UBE3C: variants seen among roughly 807,000 people sequenced by gnomAD.
UBE3C encodes the protein ubiquitin protein ligase E3C, also known as ubiquitin-protein ligase E3C.
A neutral mutation model predicts 129.4 loss-of-function variants in UBE3C; 42 were observed. That is an observed-to-expected ratio of 0.32 (90% CI 0.25 to 0.42). The LOEUF (loss-of-function observed/expected upper bound fraction) is 0.42. Among genes scored for constraint, UBE3C ranks in the 10% least tolerant of loss-of-function variants. The pLI is 1.00. For missense variants in UBE3C, 1,049 were observed against 1,319.1 expected (o/e 0.80, Z 3.17); for synonymous variants, 510 against 492.4 (o/e 1.04, Z -0.47).
chr7:157,154,959 T>G (rs1807861364), intron 1 of UBE3C, among the ~76,000 whole-genome samples: 1 of 152,218 alleles, frequency 6.6e-6, no homozygotes, highest in Non-Finnish European at 1.5e-5. Context: ...GCATAGTCAG[T>G]TTTTTTCCCC....
chr7:157,261,929 C>CA (rs1399533148), intron 22 of UBE3C, among the ~76,000 whole-genome samples: 1 of 152,180 alleles, frequency 6.6e-6, no homozygotes, highest in African/African-American at 2.4e-5. Flanking sequence ...GCCCTTGACT[C>CA]AGATTTCAGT....
At chr7:157,216,749 G>A (rs530648602) in intron 13 of UBE3C, 118 bp from the exon 14 acceptor site, 35 of 749,062 alleles carry the variant, frequency 4.7e-5, no homozygotes, top group Admixed American at 2.7e-4. Flanking sequence ...TTTGGTGTCC[G>A]GCTCGACCTG....
At chr7:157,193,716 C>T (rs1312688810) in intron 10 of UBE3C, among the ~76,000 whole-genome samples, 2 of 143,600 alleles carry the variant, frequency 1.4e-5, no homozygotes, top group East Asian at 2.1e-4. Flanking sequence ...ACATTTGAAA[C>T]TTTTTGATTA....
intron 1 of UBE3C, among the ~76,000 whole-genome samples, chr7:157,151,979 A>G (rs1021132308): frequency 1.3e-5 from 2 of 152,148 alleles, no homozygotes; most frequent in Admixed American, 6.6e-5. Context: ...TGTGTATCCT[A>G]TTTCCAGAAC....
rs1797136581 is a variant in UBE3C, at chr7:157,268,420, CTTCA to C, written c.*672_*675del. On this transcript the variant is annotated 3_prime_UTR_variant, in exon 23 of 23. Coordinates refer to ENST00000348165, the MANE Select transcript of UBE3C (RefSeq NM_014671.3). The stretch of plus-strand genomic sequence containing the variant: ...ACTGTCTGTGGATGTGAGGTGGGGA[CTTCA>C]TTCATTGTCCTATTTCTATCTCCAC... 2 of 152,606 alleles carry C rather than the reference CTTCA, an allele frequency of 1.3e-5. No homozygotes were observed. The highest frequency in any genetic ancestry group is 6.5e-5 in the Admixed American group (1 of 15,278). 9.5% of individuals were successfully genotyped at this position (152,606 alleles called of 1,614,324 possible).
intron 13 of UBE3C, among the ~76,000 whole-genome samples, chr7:157,210,175 CA>C (rs903726072): frequency 6.7e-6 from 1 of 149,626 alleles, no homozygotes; most frequent in Non-Finnish European, 1.5e-5. Flanking sequence ...ACTCTCTCTC[CA>C]AAAAAAAAGA....
chr7:157,203,198 T>A (rs1809338642), intron 11 of UBE3C, among the ~76,000 whole-genome samples: 1 of 152,218 alleles, frequency 6.6e-6, no homozygotes, highest in Admixed American at 6.5e-5. Context: ...ATTTTTCATT[T>A]TTTTAATTGA....
At chr7:157,219,140 A>G (rs1409289425) in intron 14 of UBE3C, among the ~76,000 whole-genome samples, 5 of 152,144 alleles carry the variant, frequency 3.3e-5, no homozygotes, top group Non-Finnish European at 5.9e-5. Flanking sequence ...GGTGCAGCGC[A>G]TGTCTAGGGT....
chr7:157,229,546 C>A (rs184010367), intron 17 of UBE3C, among the ~76,000 whole-genome samples: 2,311 of 152,196 alleles, frequency 0.015, 57 homozygotes, highest in African/African-American at 0.052. Flanking sequence ...CAAACTCCTG[C>A]CCTCAGGTGA....
At chr7:157,217,021 C>G (rs1563060128) in intron 14 of UBE3C, 50 bp downstream of exon 14, 4 of 1,417,972 alleles carry the variant, frequency 2.8e-6, no homozygotes, top group Non-Finnish European at 3.9e-6. Context: ...ATACATTCAG[C>G]TTGTGTCTTT....
At chr7:157,143,269 T>C (rs1563025227) in intron 1 of UBE3C, among the ~76,000 whole-genome samples, 1 of 152,148 alleles carries the variant, frequency 6.6e-6, no homozygotes. Flanking sequence ...TATGTTTTTC[T>C]TGGTAGTGTA....
Position 157,161,289 on chromosome 7 carries a change from G to A in UBE3C, c.67-2521G>A, listed in dbSNP as rs955593077. ...TGTAGCTTTTCTTTGTCTAAAATTAGTTTCTAAAAGTTTAAAAAATTAAAG... is the reference window on the plus strand; with the variant it reads ...TGTAGCTTTTCTTTGTCTAAAATTAATTTCTAAAAGTTTAAAAAATTAAAG... On this transcript the variant is annotated intron_variant, in intron 1 of 22. Coordinates refer to ENST00000348165, the MANE Select transcript of UBE3C (RefSeq NM_014671.3). 3.3e-5 allele frequency among the ~76,000 whole-genome samples: 5 copies of A among 152,170 alleles called. No individual in the cohort carries two copies. The South Asian group carries it at 8.3e-4, about 25-fold the overall frequency.
intron 19 of UBE3C, among the ~76,000 whole-genome samples, chr7:157,251,488 C>T (rs1399879243): frequency 2.6e-5 from 4 of 152,230 alleles, no homozygotes; most frequent in East Asian, 1.9e-4. Context: ...CTGGTTTGGC[C>T]GCTTTTCTGT....
chr7:157,162,285 C>T (rs558164289), intron 1 of UBE3C, among the ~76,000 whole-genome samples: 1 of 151,974 alleles, frequency 6.6e-6, no homozygotes, highest in South Asian at 2.1e-4. Context: ...AGCTCCACTG[C>T]CTGGGTTCAA....
At chr7:157,231,532 A>G in intron 18 of UBE3C, 1 of 649,606 alleles carries the variant, frequency 1.5e-6, no homozygotes, top group Non-Finnish European at 2.5e-6. Flanking sequence ...ACTCATGTTG[A>G]AACTTGATCC....
intron 22 of UBE3C, among the ~76,000 whole-genome samples, chr7:157,262,409 C>CTTTTTTTTTTTTTTTTTTTTTTT (rs371300314): frequency 1.9e-5 from 1 of 54,038 alleles, no homozygotes; most frequent in African/African-American, 7.4e-5. Context: ...TCTTCATAGG[C>CTTTTTTTTTTTTTTTTTTTTTTT]TTTTTTTTTT....
At chr7:157,143,079 C>T (rs1355618003) in intron 1 of UBE3C, among the ~76,000 whole-genome samples, 3 of 151,924 alleles carry the variant, frequency 2.0e-5, no homozygotes, top group Admixed American at 6.6e-5. Flanking sequence ...GTCGGTCGGG[C>T]GGGTCTCGAA....
chr7:157,224,234 G>A (rs541235813), intron 16 of UBE3C, among the ~76,000 whole-genome samples: 4 of 151,704 alleles, frequency 2.6e-5, no homozygotes, highest in Non-Finnish European at 5.9e-5. Context: ...GTCCTCTGTC[G>A]CCCAGGCTGG....
At chr7:157,162,976 C>T (rs1483857328) in intron 1 of UBE3C, among the ~76,000 whole-genome samples, 1 of 152,044 alleles carries the variant, frequency 6.6e-6, no homozygotes, top group Non-Finnish European at 1.5e-5. Flanking sequence ...CAAACCAAGT[C>T]ATTTTGTTCA....
Sources: allele counts gnomAD v4.1 joint callset (sites outside exome capture counted in the v4.1 genomes callset), GRCh38; gene constraint gnomAD v4.1.1; transcripts MANE v1.5; gene names NCBI Gene and HGNC (gene_info 2026-07-23, HGNC 2026-07-21).